JMY: variants seen among roughly 807,000 people sequenced by gnomAD.
The protein encoded by JMY is junction mediating and regulatory protein, p53 cofactor.
A neutral mutation model predicts 103.3 loss-of-function variants in JMY; 46 were observed. The ratio of observed to expected loss-of-function variants is 0.45; its 90% CI spans 0.35 to 0.57. The LOEUF (loss-of-function observed/expected upper bound fraction) is 0.57, where lower values mean the gene tolerates loss of function less well. Among genes scored for constraint, JMY ranks in the 20% least tolerant of loss-of-function variants. The pLI is 0.00. For missense variants in JMY, 1,238 were observed against 1,255.2 expected (o/e 0.99, Z 0.21); for synonymous variants, 526 against 489.3 (o/e 1.07, Z -0.99).
At chr5:79,239,679 C>G (rs1189936226) in intron 1 of JMY, among the ~76,000 whole-genome samples, 2 of 151,792 alleles carry the variant, frequency 1.3e-5, no homozygotes, top group African/African-American at 4.8e-5. Context: ...GGTGTGGTGG[C>G]GGGCACCTGT....
At chr5:79,269,902 A>T (rs188661812) in intron 1 of JMY, among the ~76,000 whole-genome samples, 34 of 151,142 alleles carry the variant, frequency 2.2e-4, no homozygotes, top group South Asian at 1.1e-3. Flanking sequence ...TAATTAAAAA[A>T]TTTTTTTTTG....
intron 10 of JMY, among the ~76,000 whole-genome samples, chr5:79,318,169 TTTTTC>T (rs908366170): frequency 2.0e-5 from 2 of 98,810 alleles, no homozygotes; most frequent in Non-Finnish European, 4.8e-5. Flanking sequence ...GCCCGGCTCT[TTTTTC>T]TTTTTTTTTT....
At chr5:79,277,517 A>T (rs1326081833) in intron 1 of JMY, among the ~76,000 whole-genome samples, 1 of 152,016 alleles carries the variant, frequency 6.6e-6, no homozygotes, top group Non-Finnish European at 1.5e-5. Context: ...GTGTGCCTGT[A>T]GTCCCAGCTA....
At chr5:79,253,486 G>A (rs545955589) in intron 1 of JMY, among the ~76,000 whole-genome samples, 27 of 152,070 alleles carry the variant, frequency 1.8e-4, no homozygotes, top group South Asian at 4.1e-4. Context: ...TAGAGATGGG[G>A]TTTCACCGTG....
At chr5:79,303,731 G>A (rs377601121) in intron 6 of JMY, among the ~76,000 whole-genome samples, 1 of 152,184 alleles carries the variant, frequency 6.6e-6, no homozygotes, top group East Asian at 1.9e-4. Flanking sequence ...CAACAGGATG[G>A]TCAGTAGGCT....
At chr5:79,283,126 G>A (rs1311304317) in intron 2 of JMY, among the ~76,000 whole-genome samples, 1 of 152,018 alleles carries the variant, frequency 6.6e-6, no homozygotes, top group Non-Finnish European at 1.5e-5. Flanking sequence ...CGGAGTAGCT[G>A]GGATTACAGG....
At chr5:79,313,549 T>G (rs1359319145) in intron 8 of JMY, among the ~76,000 whole-genome samples, 1 of 152,230 alleles carries the variant, frequency 6.6e-6, no homozygotes, top group African/African-American at 2.4e-5. Flanking sequence ...ATGGAGCTTT[T>G]TAAAAATGCC....
chr5:79,326,311 C>A lies in JMY; in HGVS notation c.*4709C>A, dbSNP rs1255039694. ...AAACACAAGGTATGGATGTTGGTTA[C>A]AGAGTTCAGTTTTAACAAGGGAAAT... On this transcript the variant is annotated 3_prime_UTR_variant, in exon 11 of 11. Coordinates refer to ENST00000396137, the MANE Select transcript of JMY (RefSeq NM_152405.5). 8 of 147,806 alleles carry A rather than the reference C, an allele frequency of 5.4e-5. No individual in the cohort carries two copies. The highest frequency in any genetic ancestry group is 1.5e-4 in the African/African-American group (6 of 39,754). 9.2% of individuals were successfully genotyped at this position (147,806 alleles called of 1,614,324 possible). A position where few individuals can be genotyped will look rare whatever the true frequency, so the allele number is the denominator to read the frequency against.
At chr5:79,249,927 C>G (rs1745025317) in intron 1 of JMY, among the ~76,000 whole-genome samples, 1 of 152,142 alleles carries the variant, frequency 6.6e-6, no homozygotes, top group Non-Finnish European at 1.5e-5. Context: ...TTGGTAGTAA[C>G]TGAGCTTTCT....
At chr5:79,242,632 C>A (rs549190105) in intron 1 of JMY, among the ~76,000 whole-genome samples, 44 of 152,256 alleles carry the variant, frequency 2.9e-4, no homozygotes, top group Non-Finnish European at 5.7e-4. Flanking sequence ...TTGTCTTAAT[C>A]CAAACGTGTG....
intron 4 of JMY, among the ~76,000 whole-genome samples, chr5:79,298,484 C>T (rs778191803): frequency 1.8e-4 from 27 of 152,118 alleles, no homozygotes; most frequent in Non-Finnish European, 2.9e-4. Flanking sequence ...AGACATTATT[C>T]CTTGGTTCTT....
At chr5:79,239,903 T>C (rs1180618631) in intron 1 of JMY, among the ~76,000 whole-genome samples, 1 of 151,958 alleles carries the variant, frequency 6.6e-6, no homozygotes, top group Admixed American at 6.5e-5. Context: ...TCAAAAAATA[T>C]AATTTTCTAG....
At chr5:79,265,779 T>C (rs972972245) in intron 1 of JMY, among the ~76,000 whole-genome samples, 1 of 141,852 alleles carries the variant, frequency 7.0e-6, no homozygotes, top group Non-Finnish European at 1.5e-5. Context: ...CTGTGATGAT[T>C]CTTTTTTTTT....
intron 2 of JMY, among the ~76,000 whole-genome samples, chr5:79,280,670 G>A (rs1216479023): frequency 6.6e-6 from 1 of 152,088 alleles, no homozygotes; most frequent in Non-Finnish European, 1.5e-5. Context: ...GTGTTGTATT[G>A]CTTTAAAAAG....
chr5:79,245,621 C>T (rs1744876169), intron 1 of JMY, among the ~76,000 whole-genome samples: 1 of 151,872 alleles, frequency 6.6e-6, no homozygotes, highest in South Asian at 2.1e-4. Flanking sequence ...GGGACCTGAG[C>T]AACTTGGTTT....
intron 1 of JMY, among the ~76,000 whole-genome samples, chr5:79,258,305 G>GTTTTTTTTTTTTTTTTTTTTTTTTTTTT (rs199879072): frequency 1.7e-5 from 2 of 117,026 alleles, no homozygotes; most frequent in Non-Finnish European, 3.7e-5. Context: ...GGCTTTTTTT[G>GTTTTTTTTTTTTTTTTTTTTTTTTTTTT]TTTTTGTTGT....
At chr5:79,301,713 G>A (rs946251860) in intron 6 of JMY, among the ~76,000 whole-genome samples, 2 of 152,104 alleles carry the variant, frequency 1.3e-5, no homozygotes, top group East Asian at 1.9e-4. Context: ...CTATTTCCCC[G>A]TGACAGTGGT....
chr5:79,300,417 A>T, intron 5 of JMY, 99 bp downstream of exon 5: 1 of 1,275,480 alleles, frequency 7.8e-7, no homozygotes, highest in South Asian at 1.6e-5. Flanking sequence ...CATTTAAAAA[A>T]TTGTTTTCTG....
At chr5:79,274,628 A>T (rs1399628133) in intron 1 of JMY, among the ~76,000 whole-genome samples, 1 of 151,708 alleles carries the variant, frequency 6.6e-6, no homozygotes, top group Non-Finnish European at 1.5e-5. Flanking sequence ...CTGGTCTCGA[A>T]CTCCTGACCT....
Sources: allele counts gnomAD v4.1 joint callset (sites outside exome capture counted in the v4.1 genomes callset), GRCh38; gene constraint gnomAD v4.1.1; transcripts MANE v1.5; gene names NCBI Gene and HGNC (gene_info 2026-07-23, HGNC 2026-07-21).